EXT2: variants seen among roughly 807,000 people sequenced by gnomAD.
EXT2 encodes the protein exostosin-2.
EXT2 carries 53 observed loss-of-function variants against 81.6 expected under a neutral mutation model. That is an observed-to-expected ratio of 0.65 (90% CI 0.52 to 0.82). The LOEUF is 0.82. Ranked by LOEUF, EXT2 falls within the 40% of genes least tolerant of loss-of-function variation. The pLI is 0.00. For synonymous variants in EXT2, 320 were observed against 340.0 expected, an observed-to-expected ratio of 0.94 and a Z score of 0.65; for missense variants, 774 against 910.2, an observed-to-expected ratio of 0.85 and a Z score of 1.93.
chr11:44,215,107 T>C (rs1030026681), intron 10 of EXT2, among the ~76,000 whole-genome samples: 3 of 152,208 alleles, frequency 2.0e-5, no homozygotes, highest in Non-Finnish European at 4.4e-5. Context: ...TTTTTTGTAT[T>C]TAATTACTAC....
At chr11:44,142,286 A>G (rs1954656671) in intron 7 of EXT2, among the ~76,000 whole-genome samples, 1 of 152,220 alleles carries the variant, frequency 6.6e-6, no homozygotes, top group Admixed American at 6.5e-5. Context: ...AGCACAATTC[A>G]TCTTATAATT....
At position 44,248,235 on chromosome 11, in the gene EXT2, G is replaced by C. The variant is rs1956111764; in HGVS notation, c.*3948G>C. On this transcript the variant is annotated 3_prime_UTR_variant, in exon 14 of 14. Coordinates refer to ENST00000533608, the MANE Select transcript of EXT2 (RefSeq NM_207122.2). ...GTTCCCCAAGCAGCCCTGGCACAGA[G>C]AGGCAGAGTAGAGAATGCTAAACTG... Among the ~76,000 whole-genome samples, 1 of 152,204 alleles carries C rather than the reference G, an allele frequency of 6.6e-6. No individual in the cohort carries two copies. The highest frequency in any genetic ancestry group is 1.5e-5 in the Non-Finnish European group (1 of 68,042).
intron 8 of EXT2, among the ~76,000 whole-genome samples, chr11:44,176,034 G>C (rs1955153346): frequency 1.3e-5 from 2 of 152,160 alleles, no homozygotes. Flanking sequence ...ATTGCCTATG[G>C]AATTATAGGG....
chr11:44,115,967 C>T (rs1169896521), intron 4 of EXT2: 4 of 152,038 alleles, frequency 2.6e-5, no homozygotes, highest in African/African-American at 9.7e-5. Context: ...GGATTTTTCT[C>T]CCTTTGTGGA....
intron 4 of EXT2, among the ~76,000 whole-genome samples, chr11:44,115,680 C>T (rs1391564137): frequency 6.6e-6 from 1 of 152,250 alleles, no homozygotes; most frequent in East Asian, 1.9e-4. Flanking sequence ...CCATTAGAAC[C>T]ATTCTTTAAA....
At chr11:44,177,482 T>G (rs1955174931) in intron 8 of EXT2, among the ~76,000 whole-genome samples, 1 of 152,242 alleles carries the variant, frequency 6.6e-6, no homozygotes, top group Non-Finnish European at 1.5e-5. Context: ...CTTCTGTTTC[T>G]CTGCCAGATG....
intron 10 of EXT2, among the ~76,000 whole-genome samples, chr11:44,213,486 A>C (rs140349971): frequency 2.6e-4 from 40 of 152,378 alleles, no homozygotes; most frequent in African/African-American, 8.9e-4. Flanking sequence ...AATTATGACT[A>C]CTGTCAAAAC....
At position 44,198,018 on chromosome 11, in the gene EXT2, G is replaced by A. The variant is rs1314735230; in HGVS notation, c.1495G>A (p.Asp499Asn). 42 of 1,614,004 alleles carry A rather than the reference G, an allele frequency of 2.6e-5. No homozygotes were observed. Among genetic ancestry groups the A allele is most frequent in the Non-Finnish European group, 3.4e-5 (40 of 1,179,944 alleles). Residue 499 changes from aspartate (D) to asparagine (N), a missense_variant and splice_region_variant, in exon 9 of 14, where the codon GAT becomes AAT. Physicochemically the swap from Asp to Asn is conservative, Grantham distance 23. This residue lies in a region of EXT2 where 626 missense variants were observed against 670.5 expected (regional missense o/e 0.93). Transcript: ENST00000533608. ...TAATCAGAATAAAAACCCTCCAGAA[G>A]GTAAGAAGCCTTAGTGCCTCTCTCA... is the stretch of plus-strand genomic sequence containing the variant. ...WNNQNKNPPE[D>N]SLWPKIRVPL...
chr11:44,121,999 T>G (rs1954324818), intron 4 of EXT2, among the ~76,000 whole-genome samples: 1 of 152,152 alleles, frequency 6.6e-6, no homozygotes, highest in Non-Finnish European at 1.5e-5. Context: ...AAATGCCCTC[T>G]GGGACTCCAA....
In EXT2 at chr11:44,130,136, C is replaced by A. The variant is rs570580540; in HGVS notation, c.1171C>A (p.Gln391Lys). 3.1e-6 allele frequency: 5 copies of A among 1,613,538 alleles called. No individual in the cohort carries two copies. The highest frequency in any genetic ancestry group is 4.5e-5 in the East Asian group (2 of 44,868). The change falls in exon 7 of 14, where the codon CAG (glutamine) becomes AAG (lysine). Residue 391 changes from glutamine to lysine, a missense_variant and splice_region_variant. Transcript: ENST00000533608. ...PQRQIEEMQRQARWFWEAYFQ... is the reference protein window; with the variant it reads ...PQRQIEEMQRKARWFWEAYFQ... ...AAGACAGATTGAAGAAATGCAGAGA[C>A]AGGTAAGAGGCCAAGTCTTGGGGAG...
chr11:44,166,903 T>C (rs1019294465), intron 7 of EXT2, among the ~76,000 whole-genome samples: 2 of 152,194 alleles, frequency 1.3e-5, no homozygotes, highest in African/African-American at 2.4e-5. Flanking sequence ...CAGGAAAGAA[T>C]AGCTGATACT....
intron 7 of EXT2, among the ~76,000 whole-genome samples, chr11:44,134,377 A>T (rs1243122835): frequency 1.3e-5 from 2 of 152,206 alleles, no homozygotes; most frequent in Non-Finnish European, 2.9e-5. Context: ...AGCATAAAGA[A>T]AGTTGAGAAG....
chr11:44,106,756 A>G lies in EXT2; in HGVS notation c.-30-927A>G, dbSNP rs565237775. ...GCAATTCTCCTGCCTCAGCCTCCCAACTAGCTGGGATTACAGGTGCATGCC... is the reference window on the plus strand; with the variant it reads ...GCAATTCTCCTGCCTCAGCCTCCCAGCTAGCTGGGATTACAGGTGCATGCC... On this transcript the variant is annotated intron_variant, in intron 1 of 13. Coordinates refer to ENST00000533608, the MANE Select transcript of EXT2 (RefSeq NM_207122.2). 8.4e-4 allele frequency among the ~76,000 whole-genome samples: 128 copies of G among 152,172 alleles called. 1 individual carries two copies. The highest frequency in any genetic ancestry group is 2.4e-3 in the African/African-American group (99 of 41,524).
intron 8 of EXT2, among the ~76,000 whole-genome samples, chr11:44,195,246 C>G (rs901340046): frequency 5.3e-5 from 8 of 151,962 alleles, no homozygotes; most frequent in African/African-American, 1.9e-4. Flanking sequence ...ACCAATCTTA[C>G]CAACATGGAG....
intron 9 of EXT2, chr11:44,198,230 G>A: frequency 1.7e-6 from 1 of 602,152 alleles, no homozygotes; most frequent in Non-Finnish European, 3.0e-6. Flanking sequence ...AGTGTTTGAG[G>A]GCTTAGGAAT....
chr11:44,156,354 A>AATCT, intron 7 of EXT2, among the ~76,000 whole-genome samples: 1 of 152,186 alleles, frequency 6.6e-6, no homozygotes, highest in Admixed American at 6.5e-5. Context: ...TTTAAGGCCA[A>AATCT]TAACTCTTAG....
intron 10 of EXT2, among the ~76,000 whole-genome samples, chr11:44,214,313 A>G (rs1266345626): frequency 1.3e-5 from 2 of 151,874 alleles, no homozygotes; most frequent in African/African-American, 2.4e-5. Context: ...ACGGGGTTTA[A>G]CCGTGATAGC....
intron 6 of EXT2, among the ~76,000 whole-genome samples, chr11:44,127,177 A>C (rs1262012275): frequency 6.6e-6 from 1 of 152,222 alleles, no homozygotes; most frequent in African/African-American, 2.4e-5. Flanking sequence ...ATTGAAACAC[A>C]GCCGTGTCCC....
At chr11:44,168,880 T>C (rs1955031442) in intron 7 of EXT2, among the ~76,000 whole-genome samples, 1 of 152,154 alleles carries the variant, frequency 6.6e-6, no homozygotes, top group Admixed American at 6.5e-5. Context: ...AGTTCAGATA[T>C]GCATTAAGAA....
Sources: gnomAD v4.1 joint callset for allele counts (sites outside exome capture counted in the v4.1 genomes callset) on GRCh38, gnomAD v4.1.1 for gene constraint, gnomAD v4.1.1 regional missense constraint, MANE v1.5 for transcripts, NCBI Gene and HGNC (gene_info 2026-07-23, HGNC 2026-07-21) for gene names.